The following DNAH14 variants were observed in gnomAD, a reference collection of about 807,000 sequenced individuals.
The protein encoded by DNAH14 is axonemal beta dynein heavy chain 14.
DNAH14 carries 478 observed loss-of-function variants against 520.9 expected under a neutral mutation model. The observed-to-expected ratio is 0.92, with a 90% CI of 0.85 to 0.99. The LOEUF is 0.99. DNAH14 is among the 50% of genes least tolerant of loss of function. DNAH14 has a pLI of 0.00. For missense variants in DNAH14, 4,831 were observed against 5,234.5 expected (o/e 0.92, Z 2.38); for synonymous variants, 1,581 against 1,757.2 (o/e 0.90, Z 2.51).
intron 10 of DNAH14, among the ~76,000 whole-genome samples, chr1:225,011,271 T>A (rs768190732): frequency 1.8e-4 from 27 of 152,228 alleles, no homozygotes; most frequent in Non-Finnish European, 2.8e-4. Context: ...CTGCTTTAGC[T>A]GTGTCCCAGT....
chr1:225,209,095 T>G (rs2087987922), intron 41 of DNAH14, among the ~76,000 whole-genome samples: 1 of 152,244 alleles, frequency 6.6e-6, no homozygotes, highest in South Asian at 2.1e-4. Flanking sequence ...GTCTGTTCTT[T>G]TGACTGCTTT....
intron 38 of DNAH14, among the ~76,000 whole-genome samples, chr1:225,202,404 A>G (rs926462420): frequency 6.6e-6 from 1 of 152,090 alleles, no homozygotes; most frequent in Non-Finnish European, 1.5e-5. Flanking sequence ...TCCCAGATCA[A>G]TGGAGTTATG....
chr1:225,013,027 TG>T (rs2064920913), intron 10 of DNAH14, among the ~76,000 whole-genome samples: 1 of 152,202 alleles, frequency 6.6e-6, no homozygotes, highest in Non-Finnish European at 1.5e-5. Context: ...TGTGATTCTT[TG>T]GAGGAGAAGA....
chr1:225,033,515 T>C (rs1226660883), intron 11 of DNAH14, among the ~76,000 whole-genome samples: 1 of 152,118 alleles, frequency 6.6e-6, no homozygotes, highest in Non-Finnish European at 1.5e-5. Flanking sequence ...GTGATGCGGT[T>C]CTTCCAGCTT....
intron 44 of DNAH14, among the ~76,000 whole-genome samples, chr1:225,255,429 C>T (rs969118436): frequency 7.2e-5 from 11 of 152,176 alleles, no homozygotes; most frequent in African/African-American, 2.7e-4. Flanking sequence ...CACATACACA[C>T]ACACGTATAA....
Position 225,192,796 on chromosome 1 carries a change from G to A in DNAH14, c.5771G>A (p.Trp1924Ter). The A allele has an allele frequency of 1.9e-6, 3 of 1,550,016 alleles. No individual in the cohort carries two copies. Among genetic ancestry groups the A allele is most frequent in the Non-Finnish European group, 2.6e-6 (3 of 1,145,880 alleles). ...CAACTGGATCCTAATACTATGGAAT[G>A]GACTGATGGATTATTATCAGCAACA... ...YGQLDPNTME[W>*]TDGLLSATIR... The change falls in exon 38 of 86, where the codon TGG (tryptophan) becomes TAG (stop). Residue 1924 changes from tryptophan (W) to a stop codon, truncating the protein, a stop_gained. Transcript: ENST00000682510. LOFTEE classifies it high-confidence loss of function.
chr1:225,265,292 G>T lies in DNAH14; in HGVS notation c.7333G>T (p.Ala2445Ser), dbSNP rs776729722. The T allele has an allele frequency of 3.9e-6, 6 of 1,544,506 alleles. No individual in the cohort carries two copies. The highest frequency in any genetic ancestry group is 1.4e-5 in the African/African-American group (1 of 72,506). ...TINFSTNVTA[A>S]KTKEMILKKL... ...AAATTTTAGCACCAATGTAACAGCT[G>T]CCAAAACCAAGGAGATGATTCTTAA... Residue 2445 changes from alanine (A) to serine (S), a missense_variant, in exon 48 of 86, where the codon GCC becomes TCC. Physicochemically the swap from Ala to Ser is moderately conservative, Grantham distance 99 (BLOSUM62 1). Coordinates refer to ENST00000682510, the MANE Select transcript of DNAH14 (RefSeq NM_001367479.1).
intron 34 of DNAH14, among the ~76,000 whole-genome samples, chr1:225,155,493 A>C (rs1428397462): frequency 6.6e-6 from 1 of 152,198 alleles, no homozygotes; most frequent in African/African-American, 2.4e-5. Flanking sequence ...TAAATGTTTT[A>C]TGATTTTTTA....
intron 36 of DNAH14, among the ~76,000 whole-genome samples, chr1:225,169,897 C>G (rs1304411941): frequency 6.6e-6 from 1 of 152,172 alleles, no homozygotes; most frequent in African/African-American, 2.4e-5. Flanking sequence ...CAAAGGGAAG[C>G]CCATCAGACT....
At chr1:225,280,008 G>A (rs1281978101) in intron 54 of DNAH14, among the ~76,000 whole-genome samples, 1 of 151,596 alleles carries the variant, frequency 6.6e-6, no homozygotes, top group Non-Finnish European at 1.5e-5. Context: ...TTTACAAATT[G>A]GAATGTCTGG....
intron 44 of DNAH14, among the ~76,000 whole-genome samples, chr1:225,253,489 T>A (rs957433849): frequency 4.6e-5 from 7 of 152,186 alleles, no homozygotes; most frequent in Non-Finnish European, 1.0e-4. Flanking sequence ...AATGTCACCA[T>A]GTAATTTTTT....
rs1214373064 is a variant in DNAH14, at chr1:225,051,769, GA to G, written c.2405del (p.Lys802ArgfsTer23). The stretch of plus-strand genomic sequence containing the variant: ...CCACACCCTCATACAATCTGTAATT[GA>G]AAAAAAGAACAAAAATTTATTGGAA... ...MSHTLIQSVI[E>X]KKNKNLLEVV... On this transcript the variant is annotated frameshift_variant, in exon 17 of 86. Transcript: ENST00000682510. LOFTEE classifies it high-confidence loss of function. 2 of 1,491,278 alleles carry G rather than the reference GA, an allele frequency of 1.3e-6. No homozygotes were observed. Among genetic ancestry groups the G allele is most frequent in the Non-Finnish European group, 8.9e-7 (1 of 1,120,772 alleles). 92.4% of individuals were successfully genotyped at this position (1,491,278 alleles called of 1,614,324 possible). A position where few individuals can be genotyped will look rare whatever the true frequency, so the allele number is the denominator to read the frequency against.
chr1:224,958,151 C>T (rs979523698), intron 3 of DNAH14, among the ~76,000 whole-genome samples: 2 of 151,594 alleles, frequency 1.3e-5, no homozygotes, highest in African/African-American at 2.4e-5. Context: ...TTTTTTTGTT[C>T]CCTGGGAAGT....
intron 64 of DNAH14, among the ~76,000 whole-genome samples, chr1:225,329,468 C>T (rs2094748892): frequency 1.3e-5 from 2 of 152,080 alleles, no homozygotes. Flanking sequence ...TGGACTATAT[C>T]CTTAATCCAT....
At chr1:225,259,388 G>T in intron 46 of DNAH14, 135 bp downstream of exon 46, 1 of 622,352 alleles carries the variant, frequency 1.6e-6, no homozygotes, top group South Asian at 5.5e-5. Flanking sequence ...GAGATAAGAA[G>T]AAAATCCTTT....
intron 75 of DNAH14, among the ~76,000 whole-genome samples, chr1:225,362,271 T>C (rs947846395): frequency 2.6e-5 from 4 of 152,118 alleles, no homozygotes; most frequent in Non-Finnish European, 1.5e-5. Flanking sequence ...CAGAGTATTA[T>C]TAAAAGAAAT....
chr1:225,335,454 TGCACGTGTGTACATGTGTGTGTATGC>T (rs1558429670), intron 66 of DNAH14, among the ~76,000 whole-genome samples: 2 of 130,510 alleles, frequency 1.5e-5, no homozygotes, highest in Non-Finnish European at 3.3e-5. Context: ...TATGCACATA[TGCACGTGTGTACATGTGTGTGTATGC>T]ACATATACAC....
rs538816613 is a variant in DNAH14, at chr1:225,056,633, A to T, written c.2424+4838A>T. Among the ~76,000 whole-genome samples the T allele has an allele frequency of 7.9e-5, 12 of 152,224 alleles. No homozygotes were observed. In the South Asian group the frequency reaches 2.3e-3, roughly 29 times the overall value. On this transcript the variant is annotated intron_variant, in intron 17 of 85. Coordinates refer to ENST00000682510, the MANE Select transcript of DNAH14 (RefSeq NM_001367479.1). ...GCCTATGTCCTGAATGGTATTGCCT[A>T]GGTTTTCTTCTAGGGTTCTTATGGT...
intron 36 of DNAH14, among the ~76,000 whole-genome samples, chr1:225,173,002 A>G (rs1461240742): frequency 6.6e-6 from 1 of 152,222 alleles, no homozygotes; most frequent in Non-Finnish European, 1.5e-5. Context: ...AAAACAAGAA[A>G]TGGGGAAAGG....
Sources: allele counts gnomAD v4.1 joint callset (sites outside exome capture counted in the v4.1 genomes callset), GRCh38; gene constraint gnomAD v4.1.1; transcripts MANE v1.5; gene names NCBI Gene and HGNC (gene_info 2026-07-23, HGNC 2026-07-21).